The following TTC27 variants were observed in gnomAD, a reference collection of about 807,000 sequenced individuals.
The protein encoded by TTC27 is tetratricopeptide repeat domain 27.
A neutral mutation model predicts 115.9 loss-of-function variants in TTC27; 79 were observed. The ratio of observed to expected loss-of-function variants is 0.68; its 90% CI spans 0.57 to 0.82. The LOEUF (loss-of-function observed/expected upper bound fraction) is 0.82, where lower values mean the gene tolerates loss of function less well. TTC27 is among the 40% of genes least tolerant of loss of function. The pLI is 0.00. For synonymous variants in TTC27, 401 were observed against 356.0 expected, an observed-to-expected ratio of 1.13 and a Z score of -1.42; for missense variants, 1,054 against 993.1, an observed-to-expected ratio of 1.06 and a Z score of -0.82.
intron 15 of TTC27, among the ~76,000 whole-genome samples, chr2:32,785,892 C>G (rs1670331726): frequency 6.6e-6 from 1 of 151,914 alleles, no homozygotes; most frequent in Non-Finnish European, 1.5e-5. Flanking sequence ...CTGTGCCTGG[C>G]CTGTTGTTGT....
chr2:32,755,500 G>A (rs942791913), intron 12 of TTC27, among the ~76,000 whole-genome samples: 1 of 152,174 alleles, frequency 6.6e-6, no homozygotes, highest in Non-Finnish European at 1.5e-5. Flanking sequence ...GGAGAATCAG[G>A]CAGGGAGGTT....
At chr2:32,805,031 T>TAATAGAAAGGAAGA (rs1212515299) in intron 16 of TTC27, among the ~76,000 whole-genome samples, 2 of 152,084 alleles carry the variant, frequency 1.3e-5, no homozygotes, top group Non-Finnish European at 2.9e-5. Flanking sequence ...TAAAAGAACT[T>TAATAGAAAGGAAGA]AATAGAAAGG....
At chr2:32,632,908 G>GA (rs560716729) in intron 2 of TTC27, among the ~76,000 whole-genome samples, 330 of 152,000 alleles carry the variant, frequency 2.2e-3, no homozygotes, top group Admixed American at 4.4e-3. Context: ...TAAAGGGTTG[G>GA]AAAAAAACAA....
At position 32,630,960 on chromosome 2, in the gene TTC27, T is replaced by G. The variant is rs114966819; in HGVS notation, c.266+260T>G. ...GTTAACTGCAAATGCTTAGGTCTGG[T>G]CGGCTTTACCCACCGGCAAAACTTC... On this transcript the variant is annotated intron_variant, in intron 2 of 19. Coordinates refer to ENST00000317907, the MANE Select transcript of TTC27 (RefSeq NM_017735.5). Among the ~76,000 whole-genome samples the G allele has an allele frequency of 3.3e-3, 501 of 152,122 alleles. 3 individuals carry two copies. The highest frequency in any genetic ancestry group is 0.012 in the African/African-American group (486 of 41,398).
At chr2:32,789,920 C>CAAAA (rs1670473702) in intron 16 of TTC27, among the ~76,000 whole-genome samples, 1 of 39,936 alleles carries the variant, frequency 2.5e-5, no homozygotes, top group Admixed American at 3.3e-4. Context: ...GACCCTGTCT[C>CAAAA]CAAAAAAAAA....
At chr2:32,814,058 C>T (rs1671402638) in intron 18 of TTC27, among the ~76,000 whole-genome samples, 1 of 152,116 alleles carries the variant, frequency 6.6e-6, no homozygotes, top group African/African-American at 2.4e-5. Context: ...GTATTAGGTA[C>T]ATAATTAGCA....
intron 4 of TTC27, among the ~76,000 whole-genome samples, chr2:32,646,979 G>GC (rs1442074101): frequency 6.6e-5 from 9 of 137,074 alleles, no homozygotes; most frequent in Admixed American, 1.5e-4. Context: ...TTTGTTTTTT[G>GC]TTTTTTTTTT....
Position 32,707,396 on chromosome 2 carries a change from A to C in TTC27, c.1233+4476A>C, listed in dbSNP as rs140178866. Among the ~76,000 whole-genome samples the C allele has an allele frequency of 2.9e-3, 437 of 152,272 alleles. 6 individuals are homozygous for C. The highest frequency in any genetic ancestry group is 9.9e-3 in the African/African-American group (411 of 41,538). ...ACTCCCATGGTAACAGCATTAATCC[A>C]TTCATGAGGGTAGAGCCCCCACCTC... On this transcript the variant is annotated intron_variant, in intron 10 of 19. Transcript: ENST00000317907.
At chr2:32,643,850 C>G (rs1664746647) in intron 4 of TTC27, among the ~76,000 whole-genome samples, 1 of 151,918 alleles carries the variant, frequency 6.6e-6, no homozygotes, top group African/African-American at 2.4e-5. Context: ...GTCTGGCCAA[C>G]ATGGCGACAC....
intron 7 of TTC27, among the ~76,000 whole-genome samples, chr2:32,671,178 A>C (rs1666003011): frequency 6.6e-6 from 1 of 152,048 alleles, no homozygotes; most frequent in African/African-American, 2.4e-5. Flanking sequence ...TCAGGGTTAC[A>C]AAGTTTTTTT....
intron 5 of TTC27, among the ~76,000 whole-genome samples, chr2:32,657,608 G>T (rs1197337688): frequency 6.6e-6 from 1 of 151,960 alleles, no homozygotes; most frequent in Non-Finnish European, 1.5e-5. Context: ...AAGACAAAGG[G>T]GTATCTGTTT....
chr2:32,660,182 T>A (rs1004881053), intron 5 of TTC27, among the ~76,000 whole-genome samples: 1 of 152,186 alleles, frequency 6.6e-6, no homozygotes, highest in African/African-American at 2.4e-5. Context: ...CATCTGTTGT[T>A]TCCTGACTTT....
chr2:32,704,108 C>G (rs1309044970), intron 10 of TTC27, among the ~76,000 whole-genome samples: 1 of 152,190 alleles, frequency 6.6e-6, no homozygotes, highest in East Asian at 1.9e-4. Context: ...CTGCCTAATA[C>G]TTTCATATTG....
chr2:32,761,796 C>G (rs1003162888), intron 13 of TTC27, among the ~76,000 whole-genome samples: 1 of 152,116 alleles, frequency 6.6e-6, no homozygotes, highest in African/African-American at 2.4e-5. Context: ...GTATAGCTTA[C>G]TTTTTTAAAA....
At position 32,787,075 on chromosome 2, in the gene TTC27, G is replaced by T. The variant is rs144557313; in HGVS notation, c.1924G>T (p.Val642Phe). Residue 642 changes from valine (V) to phenylalanine (F), a missense_variant, in exon 16 of 20, where the codon GTT (valine) becomes TTT (phenylalanine). Coordinates refer to ENST00000317907, the MANE Select transcript of TTC27 (RefSeq NM_017735.5). ...AAACTACATCCTCACCAGCACTGAC[G>T]TTGGGGAATTTTCAGAAGCCATTAA... ...WENYILTSTD[V>F]GEFSEAIKAY... 1.9e-6 allele frequency: 3 copies of T among 1,613,952 alleles called. No homozygotes were observed. The highest frequency in any genetic ancestry group is 2.5e-6 in the Non-Finnish European group (3 of 1,180,008).
intron 9 of TTC27, among the ~76,000 whole-genome samples, chr2:32,693,100 A>C (rs1666872136): frequency 6.6e-6 from 1 of 152,206 alleles, no homozygotes; most frequent in South Asian, 2.1e-4. Context: ...ATTAACCTAC[A>C]TAATTAATAC....
chr2:32,702,876 A>G lies in TTC27; in HGVS notation c.1189A>G (p.Lys397Glu). The change falls in exon 10 of 20, where the codon AAA becomes GAA. Residue 397 changes from lysine (K) to glutamate (E), a missense_variant. Coordinates refer to ENST00000317907, the MANE Select transcript of TTC27 (RefSeq NM_017735.5). ...SALILRTKLEKGSTRRVERAM... is the reference protein window; with the variant it reads ...SALILRTKLEEGSTRRVERAM... Reference sequence around the variant, plus strand: ...CTTGATCCTCCGGACAAAACTTGAGAAAGGAAGTACTCGCCGAGTGGAACG... The same window carrying G: ...CTTGATCCTCCGGACAAAACTTGAGGAAGGAAGTACTCGCCGAGTGGAACG... 1 of 1,614,116 alleles carries G rather than the reference A, an allele frequency of 6.2e-7. No homozygotes were observed. The highest frequency in any genetic ancestry group is 1.3e-5 in the African/African-American group (1 of 75,048).
At chr2:32,736,933 CT>C in intron 12 of TTC27, 117 bp downstream of exon 12, 6 of 1,358,174 alleles carry the variant, frequency 4.4e-6, no homozygotes, top group East Asian at 2.7e-5. Context: ...CCTTTTTTCA[CT>C]TTTTTTCCAG....
chr2:32,704,237 A>C (rs1667288641), intron 10 of TTC27, among the ~76,000 whole-genome samples: 1 of 151,940 alleles, frequency 6.6e-6, no homozygotes, highest in Non-Finnish European at 1.5e-5. Flanking sequence ...CCCAGGTTGG[A>C]GTGCAGTGGC....
Sources: allele counts gnomAD v4.1 joint callset (sites outside exome capture counted in the v4.1 genomes callset), GRCh38; gene constraint gnomAD v4.1.1; transcripts MANE v1.5; gene names NCBI Gene and HGNC (gene_info 2026-07-23, HGNC 2026-07-21).